The following DBNL variants were observed in gnomAD, a reference collection of about 807,000 sequenced individuals.
DBNL encodes drebrin-like protein.
A neutral mutation model predicts 62.2 loss-of-function variants in DBNL; 35 were observed. The observed-to-expected ratio is 0.56, with a 90% CI of 0.43 to 0.75. The LOEUF (loss-of-function observed/expected upper bound fraction) is 0.75, where lower values mean the gene tolerates loss of function less well. Ranked by LOEUF, DBNL falls within the 30% of genes least tolerant of loss-of-function variation. The pLI, the probability that DBNL is intolerant of heterozygous loss-of-function variation, is 0.00. For missense variants in DBNL, 495 were observed against 578.4 expected (o/e 0.86, Z 1.48); for synonymous variants, 197 against 218.0 (o/e 0.90, Z 0.85).
rs768620167 is a variant in DBNL, at chr7:44,056,718, C to T, written c.328-39C>T. ...ACAGGAGTTTGGCCCATCTCCTGGG[C>T]TTGCAAAGCCCTTCTTTCAAGTGCT... On this transcript the variant is annotated intron_variant, in intron 4 of 12. Coordinates refer to ENST00000448521, the MANE Select transcript of DBNL (RefSeq NM_001014436.3). 12 of 1,612,856 alleles carry T rather than the reference C, an allele frequency of 7.4e-6. No homozygotes were observed. The South Asian group carries it at 1.3e-4, about 18-fold the overall frequency.
intron 6 of DBNL, 109 bp from the exon 7 acceptor site, chr7:44,058,020 G>A (rs2096139678): frequency 1.8e-5 from 28 of 1,520,424 alleles, no homozygotes; most frequent in Non-Finnish European, 2.1e-5. Context: ...GCTAATGATC[G>A]ACTGGCTCTG....
At position 44,064,754 on chromosome 7, in the gene DBNL, G is replaced by A. The variant is rs148526409; in HGVS notation, c.*3838G>A. The A allele has an allele frequency of 8.1e-5, 105 of 1,291,876 alleles. 3 individuals are homozygous for A. In the South Asian group the frequency reaches 1.1e-3, roughly 13 times the overall value. 80.0% of individuals were successfully genotyped at this position (1,291,876 alleles called of 1,614,324 possible). On this transcript the variant is annotated 3_prime_UTR_variant, in exon 13 of 13. Transcript: ENST00000448521. ...CGCCTAGAAAGCCTGGTCCATGGGCGAGAGACTTTGCTGAGATGAGAAGCC... is the reference window on the plus strand; with the variant it reads ...CGCCTAGAAAGCCTGGTCCATGGGCAAGAGACTTTGCTGAGATGAGAAGCC...
chr7:44,057,197 GGTCATGGCACT>G (rs1562654749), intron 5 of DBNL, among the ~76,000 whole-genome samples: 1 of 152,228 alleles, frequency 6.6e-6, no homozygotes, highest in Non-Finnish European at 1.5e-5. Flanking sequence ...CTGCCCTCAA[GGTCATGGCACT>G]GGAACATCTT....
chr7:44,046,875 C>T lies in DBNL; in HGVS notation c.83+2055C>T, dbSNP rs563170185. Among the ~76,000 whole-genome samples the T allele has an allele frequency of 2.0e-5, 3 of 152,336 alleles. No individual in the cohort carries two copies. The East Asian group carries it at 5.8e-4, about 29-fold the overall frequency. ...GCCCTGCATGACCCAGAACCTACCA[C>T]CCCTTTCATTTACCACACTGTGGCC... is the stretch of plus-strand genomic sequence containing the variant. On this transcript the variant is annotated intron_variant, in intron 1 of 12. Transcript: ENST00000448521.
intron 6 of DBNL, 69 bp downstream of exon 6, chr7:44,057,928 C>G: frequency 6.3e-7 from 1 of 1,599,304 alleles, no homozygotes; most frequent in East Asian, 2.2e-5. Context: ...TCTTTCCTCA[C>G]AAGTGAGCTC....
chr7:44,053,805 T>A (rs2096130787), intron 4 of DBNL, among the ~76,000 whole-genome samples: 1 of 152,042 alleles, frequency 6.6e-6, no homozygotes, highest in Admixed American at 6.6e-5. Context: ...GCCTCCCGAT[T>A]AGCTGGGACT....
At position 44,060,215 on chromosome 7, in the gene DBNL, T is replaced by C. The variant is rs1585996008; in HGVS notation, c.1153+62T>C. On this transcript the variant is annotated intron_variant, in intron 12 of 12. Coordinates refer to ENST00000448521, the MANE Select transcript of DBNL (RefSeq NM_001014436.3). The surrounding 1 kb of genome is among the most constrained non-coding windows in gnomAD (Gnocchi z 6.3). ...GTCCTGAGGTTAGGAGACAAGAGGG[T>C]CTGGGGTTTTATGGGAAGATGGCAC... is the stretch of plus-strand genomic sequence containing the variant. 3 of 1,482,748 alleles carry C rather than the reference T, an allele frequency of 2.0e-6. No individual in the cohort carries two copies. The highest frequency in any genetic ancestry group is 2.8e-5 in the African/African-American group (2 of 71,656). The allele number at this position is 1,482,748 out of a possible 1,614,324, so 91.8% of individuals were successfully genotyped here. A position where few individuals can be genotyped will look rare whatever the true frequency, so the allele number is the denominator to read the frequency against.
In DBNL at chr7:44,049,876, A is replaced by G. The variant is rs2096123554; in HGVS notation, c.84-349A>G. The G allele has an allele frequency of 2.3e-5, 5 of 220,876 alleles. No homozygotes were observed. The South Asian group carries it at 3.0e-4, about 13-fold the overall frequency. 13.7% of individuals were successfully genotyped at this position (220,876 alleles called of 1,614,324 possible). ...CTTCAAATCCATATACCTAGTGGCC[A>G]GGTGAGTATTTGACACATGAATGTA... is the stretch of plus-strand genomic sequence containing the variant. On this transcript the variant is annotated intron_variant, in intron 1 of 12. Coordinates refer to ENST00000448521, the MANE Select transcript of DBNL (RefSeq NM_001014436.3).
chr7:44,045,916 C>T (rs1323830044), intron 1 of DBNL, among the ~76,000 whole-genome samples: 1 of 152,224 alleles, frequency 6.6e-6, no homozygotes, highest in African/African-American at 2.4e-5. Context: ...CTGGATGGCA[C>T]TTATGCCAAA....
At chr7:44,055,829 G>A (rs2096135267) in intron 4 of DBNL, among the ~76,000 whole-genome samples, 1 of 152,204 alleles carries the variant, frequency 6.6e-6, no homozygotes, top group East Asian at 1.9e-4. Flanking sequence ...CAGATGGATA[G>A]TTTGAAGATA....
In DBNL at chr7:44,062,184, C is replaced by G. The variant is rs2096150552; in HGVS notation, c.*1268C>G. ...TCCTGGCCTTCCTGTGCTCAGGCCTCTCCCCTTTTCGCCAGGGCTTCCTGG... is the reference window on the plus strand; with the variant it reads ...TCCTGGCCTTCCTGTGCTCAGGCCTGTCCCCTTTTCGCCAGGGCTTCCTGG... On this transcript the variant is annotated 3_prime_UTR_variant, in exon 13 of 13. Coordinates refer to ENST00000448521, the MANE Select transcript of DBNL (RefSeq NM_001014436.3). The G allele has an allele frequency of 5.8e-6, 1 of 173,044 alleles. No homozygotes were observed. Among genetic ancestry groups the G allele is most frequent in the Admixed American group, 5.4e-5 (1 of 18,560 alleles). 10.7% of individuals were successfully genotyped at this position (173,044 alleles called of 1,614,324 possible). A position where few individuals can be genotyped will look rare whatever the true frequency, so the allele number is the denominator to read the frequency against.
chr7:44,045,012 C>A, intron 1 of DBNL, 192 bp downstream of exon 1: 1 of 508,520 alleles, frequency 2.0e-6, no homozygotes, highest in Non-Finnish European at 3.2e-6. Flanking sequence ...CCCCTTGCCC[C>A]GCCGATCGTG....
Position 44,066,164 on chromosome 7 carries a change from C to T in DBNL, c.*5248C>T, listed in dbSNP as rs1289253724. ...GGGGGAAAGGGCCCCTGTCTTTCCT[C>T]CGGGGTCCCTTTGTCAAGGTCTCAT... On this transcript the variant is annotated 3_prime_UTR_variant, in exon 13 of 13. Coordinates refer to ENST00000448521, the MANE Select transcript of DBNL (RefSeq NM_001014436.3). The T allele has an allele frequency of 5.8e-6, 1 of 170,966 alleles. No homozygotes were observed. Among genetic ancestry groups the T allele is most frequent in the Admixed American group, 5.4e-5 (1 of 18,538 alleles). The allele number at this position is 170,966 out of a possible 1,614,324, so 10.6% of individuals were successfully genotyped here.
At chr7:44,058,631 G>A in intron 8 of DBNL, 151 bp downstream of exon 8, 2 of 1,114,018 alleles carry the variant, frequency 1.8e-6, no homozygotes, top group South Asian at 1.5e-5. Context: ...AGAGGTGGCA[G>A]TAGAGAGGAA....
At position 44,059,279 on chromosome 7, in the gene DBNL, G is replaced by A. The variant is rs982042842; in HGVS notation, c.836-75G>A. 1 of 1,464,384 alleles carries A rather than the reference G, an allele frequency of 6.8e-7. No homozygotes were observed. The highest frequency in any genetic ancestry group is 1.2e-5 in the South Asian group (1 of 82,644). The allele number at this position is 1,464,384 out of a possible 1,614,324, so 90.7% of individuals were successfully genotyped here. A position where few individuals can be genotyped will look rare whatever the true frequency, so the allele number is the denominator to read the frequency against. On this transcript the variant is annotated intron_variant, in intron 9 of 12. Coordinates refer to ENST00000448521, the MANE Select transcript of DBNL (RefSeq NM_001014436.3). This position sits in a 1 kb window ranked among gnomAD's most constrained non-coding sequence, Gnocchi z 4.1. ...ATGAGACTGCCTCGAGCACACCAGG[G>A]TGGAGGGTGCTGTGGGGTGCGTGGG...
In DBNL at chr7:44,060,791, A is replaced by G. The variant is rs750910300; in HGVS notation, c.1168A>G (p.Ile390Val). The change falls in exon 13 of 13, where the codon ATC (isoleucine) becomes GTC (valine). Residue 390 changes from isoleucine to valine, a missense_variant. Ile to Val is a conservative substitution (Grantham distance 29). Transcript: ENST00000448521. This position sits in a 1 kb window ranked among gnomAD's most constrained non-coding sequence, Gnocchi z 6.3. ...CCTCTTTGCAGCCGACGACACAGAGATCTCCTTTGACCCCGAGAACCTCAT... is the reference window on the plus strand; with the variant it reads ...CCTCTTTGCAGCCGACGACACAGAGGTCTCCTTTGACCCCGAGAACCTCAT... ...YDYQAADDTE[I>V]SFDPENLITG... The G allele has an allele frequency of 1.2e-6, 2 of 1,613,744 alleles. No homozygotes were observed. The highest frequency in any genetic ancestry group is 2.7e-5 in the African/African-American group (2 of 74,856).
rs145680549 is a variant in DBNL at position 44,050,264 on chromosome 7, C to T, written c.123C>T (p.Arg41=). 8,377 of 1,613,678 alleles carry T rather than the reference C, an allele frequency of 5.2e-3. 33 individuals carry two copies. Among genetic ancestry groups the T allele is most frequent in the Non-Finnish European group, 6.0e-3 (7,075 of 1,179,706 alleles). Residue 41 remains arginine, a synonymous_variant, in exon 2 of 13, where the codon CGC becomes CGT. Coordinates refer to ENST00000448521, the MANE Select transcript of DBNL (RefSeq NM_001014436.3). ...FTYEGNSNDI[R]VAGTGEGGLE... ...ATGAAGGCAACAGCAATGACATCCGCGTGGCTGGCACAGGGGGTGAGTATG... is the reference window on the plus strand; with the variant it reads ...ATGAAGGCAACAGCAATGACATCCGTGTGGCTGGCACAGGGGGTGAGTATG...
At position 44,062,786 on chromosome 7, in the gene DBNL, G is replaced by A. The variant is rs757261186; in HGVS notation, c.*1870G>A. On this transcript the variant is annotated 3_prime_UTR_variant, in exon 13 of 13. Transcript: ENST00000448521. Reference sequence around the variant, plus strand: ...CCCTCACTTGGCCTTGCCCTGGGCAGCCACAGCCTCCATGGCCTTCCGCAC... The same window carrying A: ...CCCTCACTTGGCCTTGCCCTGGGCAACCACAGCCTCCATGGCCTTCCGCAC... 1 of 1,614,198 alleles carries A rather than the reference G, an allele frequency of 6.2e-7. No individual in the cohort carries two copies. Among genetic ancestry groups the A allele is most frequent in the South Asian group, 1.1e-5 (1 of 91,090 alleles).
In DBNL at chr7:44,062,676, C is replaced by CA; in HGVS notation, c.*1761dup. Reference sequence around the variant, plus strand: ...TGCACCCCTGGTTCTGGAGTCCCCACAGCTGATGGCGGTGTGAGCCTGGCA... The same window carrying CA: ...TGCACCCCTGGTTCTGGAGTCCCCACAAGCTGATGGCGGTGTGAGCCTGGCA... On this transcript the variant is annotated 3_prime_UTR_variant, in exon 13 of 13. Coordinates refer to ENST00000448521, the MANE Select transcript of DBNL (RefSeq NM_001014436.3). 4 of 1,441,638 alleles carry CA rather than the reference C, an allele frequency of 2.8e-6. No homozygotes were observed. The highest frequency in any genetic ancestry group is 3.9e-6 in the Non-Finnish European group (4 of 1,038,498). 89.3% of individuals were successfully genotyped at this position (1,441,638 alleles called of 1,614,324 possible).
Sources: gnomAD v4.1 joint callset for allele counts (sites outside exome capture counted in the v4.1 genomes callset) on GRCh38, gnomAD v4.1.1 for gene constraint, Gnocchi (gnomAD v3.1) non-coding constraint, MANE v1.5 for transcripts, NCBI Gene and HGNC (gene_info 2026-07-23, HGNC 2026-07-21) for gene names.